LAX1: variants seen among roughly 807,000 people sequenced by gnomAD.
The protein encoded by LAX1 is lymphocyte transmembrane adapter 1.
Under a neutral mutation model 20.7 loss-of-function variants are expected in LAX1, and 17 were observed. The ratio of observed to expected loss-of-function variants is 0.82; its 90% confidence interval spans 0.56 to 1.23. The LOEUF is 1.23. LAX1 is among the 50% of genes most tolerant of loss of function. The pLI, the probability that LAX1 is intolerant of heterozygous loss-of-function variation, is 0.00. For synonymous variants in LAX1, 165 were observed against 181.0 expected (o/e 0.91, Z 0.71); for missense variants, 470 against 487.0 (o/e 0.97, Z 0.33).
chr1:203,766,468 A>G (rs1667305588), intron 1 of LAX1, among the ~76,000 whole-genome samples: 1 of 152,100 alleles, frequency 6.6e-6, no homozygotes, highest in African/African-American at 2.4e-5. Context: ...CAAAAGCGAA[A>G]CTCTGTCTCA....
chr1:203,767,303 C>CCTTTTTTTTTTTTT (rs1667320915), intron 1 of LAX1, among the ~76,000 whole-genome samples: 1 of 90,450 alleles, frequency 1.1e-5, no homozygotes, highest in Non-Finnish European at 2.0e-5. Flanking sequence ...CTCTCCACTT[C>CCTTTTTTTTTTTTT]TTTTTTTTTT....
intron 4 of LAX1, among the ~76,000 whole-genome samples, chr1:203,773,360 G>A (rs1007395787): frequency 6.6e-6 from 1 of 151,980 alleles, no homozygotes; most frequent in Non-Finnish European, 1.5e-5. Context: ...AGGTTGAGGC[G>A]GGAGAATCGA....
intron 1 of LAX1, among the ~76,000 whole-genome samples, chr1:203,769,453 GAAAAGA>G (rs1558070022): frequency 3.6e-5 from 4 of 109,976 alleles, no homozygotes; most frequent in African/African-American, 6.2e-5. Flanking sequence ...AGGAAAGAAA[GAAAAGA>G]AAAGAAAGAA....
chr1:203,774,769 C>G lies in LAX1; in HGVS notation c.*88C>G. On this transcript the variant is annotated 3_prime_UTR_variant, in exon 5 of 5. Transcript: ENST00000442561. ...AGAGTCTAGTGCAGACCCGTGATCA[C>G]CTTAGTGCTTCAGTGGATTCACTGG... The G allele has an allele frequency of 2.8e-6, 3 of 1,066,404 alleles. No individual in the cohort carries two copies. In the East Asian group the frequency reaches 7.4e-5, roughly 26 times the overall value. 66.1% of individuals were successfully genotyped at this position (1,066,404 alleles called of 1,614,324 possible). A position where few individuals can be genotyped will look rare whatever the true frequency, so the allele number is the denominator to read the frequency against.
At chr1:203,770,502 G>GA (rs1667396528) in intron 1 of LAX1, among the ~76,000 whole-genome samples, 26 of 31,022 alleles carry the variant, frequency 8.4e-4, no homozygotes, top group South Asian at 3.1e-3. Context: ...AGGAAGGAAG[G>GA]AAGGAAGGAA....
In LAX1 at chr1:203,774,127, A is replaced by G. The variant is rs1667469520; in HGVS notation, c.643A>G (p.Asn215Asp). 6.2e-7 allele frequency: 1 copy of G among 1,614,020 alleles called. No homozygotes were observed. The highest frequency in any genetic ancestry group is 8.5e-7 in the Non-Finnish European group (1 of 1,180,044). The part of the protein sequence containing the change: ...TLASTKSPSR[N>D]LFVLPSTQKL... ...AGCTTCTACCAAAAGCCCTTCCAGA[A>G]ATCTCTTTGTTCTTCCCAGTACCCA... is the stretch of plus-strand genomic sequence containing the variant. Residue 215 changes from asparagine to aspartate, a missense_variant, in exon 5 of 5, where the codon AAT (asparagine) becomes GAT (aspartate). Transcript: ENST00000442561.
At chr1:203,770,146 G>A (rs535783884) in intron 1 of LAX1, among the ~76,000 whole-genome samples, 58 of 152,050 alleles carry the variant, frequency 3.8e-4, no homozygotes, top group African/African-American at 1.2e-3. Flanking sequence ...GGCCGGGCAC[G>A]GTGGCTCACA....
chr1:203,766,463 G>A (rs2102262211), intron 1 of LAX1, among the ~76,000 whole-genome samples: 1 of 152,314 alleles, frequency 6.6e-6, no homozygotes, highest in African/African-American at 2.4e-5. Flanking sequence ...GGCAACAAAA[G>A]CGAAACTCTG....
At chr1:203,767,048 T>C (rs1437902782) in intron 1 of LAX1, among the ~76,000 whole-genome samples, 3 of 151,634 alleles carry the variant, frequency 2.0e-5, no homozygotes, top group Non-Finnish European at 4.4e-5. Flanking sequence ...TTAGTAGAGA[T>C]GGGGTTTCTT....
rs1667473048 is a variant in LAX1, at chr1:203,774,294, C to T, written c.810C>T (p.Asn270=). Reference sequence around the variant, plus strand: ...CTCAGATCTCAAATGACTATGTCAACATGACAGGGTTGGATCTCAGTGCCA... The same window carrying T: ...CTCAGATCTCAAATGACTATGTCAATATGACAGGGTTGGATCTCAGTGCCA... ...GSSQISNDYV[N]MTGLDLSAIQ... Residue 270 remains asparagine, a synonymous_variant, in exon 5 of 5, where the codon AAC becomes AAT. Coordinates refer to ENST00000442561, the MANE Select transcript of LAX1 (RefSeq NM_017773.4). 13 of 1,614,166 alleles carry T rather than the reference C, an allele frequency of 8.1e-6. No homozygotes were observed. Among genetic ancestry groups the T allele is most frequent in the Non-Finnish European group, 1.1e-5 (13 of 1,180,038 alleles).
At chr1:203,767,528 G>T (rs939481193) in intron 1 of LAX1, among the ~76,000 whole-genome samples, 1 of 150,700 alleles carries the variant, frequency 6.6e-6, no homozygotes, top group Non-Finnish European at 1.5e-5. Context: ...GGCTGGTCTC[G>T]AACTCCTTAC....
Position 203,765,359 on chromosome 1 carries a change from T to G in LAX1, c.-207T>G. On this transcript the variant is annotated 5_prime_UTR_variant, in exon 1 of 5. Transcript: ENST00000442561. ...CATGTCCGGATGAGATCGCACTTCC[T>G]GCAGTGGGCATTAGCCACGTCCAGG... The G allele has an allele frequency of 6.4e-7, 1 of 1,551,750 alleles. No homozygotes were observed. Among genetic ancestry groups the G allele is most frequent in the Admixed American group, 2.0e-5 (1 of 50,992 alleles).
chr1:203,771,787 C>G (rs1273017037), intron 3 of LAX1, among the ~76,000 whole-genome samples: 2 of 152,178 alleles, frequency 1.3e-5, no homozygotes, highest in African/African-American at 4.8e-5. Context: ...GCCAGCATCA[C>G]AGGCAGAGGA....
At chr1:203,770,557 G>GAAAGAAGGAAAGAAAGAAAGAAAGAA (rs1667402832) in intron 1 of LAX1, among the ~76,000 whole-genome samples, 1 of 117,324 alleles carries the variant, frequency 8.5e-6, no homozygotes, top group Admixed American at 1.2e-4. Context: ...AAGAAAGAAA[G>GAAAGAAGGAAAGAAAGAAAGAAAGAA]AAAGAAAGAA....
Position 203,765,613 on chromosome 1 carries a change from G to A in LAX1, c.48G>A (p.Leu16=), listed in dbSNP as rs553295194. 9 of 1,613,998 alleles carry A rather than the reference G, an allele frequency of 5.6e-6. No homozygotes were observed. Among genetic ancestry groups the A allele is most frequent in the Admixed American group, 1.7e-5 (1 of 59,974 alleles). The change falls in exon 1 of 5, where the codon TTG becomes TTA. Residue 16 remains leucine (L), a synonymous_variant. Transcript: ENST00000442561. Reference sequence around the variant, plus strand: ...TTTCGACAATCAGAGGGAGGACCTTGGAGTCCAGCACTCTGCATGTGACTC... The same window carrying A: ...TTTCGACAATCAGAGGGAGGACCTTAGAGTCCAGCACTCTGCATGTGACTC... ...PTLSTIRGRT[L]ESSTLHVTPR... is the part of the protein sequence containing the mutation.
Position 203,774,209 on chromosome 1 carries a change from C to G in LAX1, c.725C>G (p.Thr242Ser). 6.2e-7 allele frequency: 1 copy of G among 1,614,112 alleles called. No homozygotes were observed. The highest frequency in any genetic ancestry group is 8.5e-7 in the Non-Finnish European group (1 of 1,180,024). Reference protein sequence around the residue: ...DEGCGDAGDCTSLYSPGAEDS... With the variant: ...DEGCGDAGDCSSLYSPGAEDS... ...GGCTGTGGAGATGCTGGTGACTGCACCAGTTTGTATTCTCCAGGAGCTGAG... is the reference window on the plus strand; with the variant it reads ...GGCTGTGGAGATGCTGGTGACTGCAGCAGTTTGTATTCTCCAGGAGCTGAG... Residue 242 changes from threonine (T) to serine (S), a missense_variant, in exon 5 of 5, where the codon ACC (threonine) becomes AGC (serine). Physicochemically the swap from Thr to Ser is moderately conservative, Grantham distance 58. Transcript: ENST00000442561.
intron 3 of LAX1, 110 bp from the exon 4 acceptor site, chr1:203,771,958 T>C: frequency 1.2e-6 from 1 of 860,212 alleles, no homozygotes; most frequent in Non-Finnish European, 2.0e-6. Context: ...GACCCAAGGC[T>C]GGAAATTCCA....
At chr1:203,769,773 C>CGGGGGGGGG (rs1311215813) in intron 1 of LAX1, 22 of 24,058 alleles carry the variant, frequency 9.1e-4, no homozygotes, top group Non-Finnish European at 7.9e-4. Context: ...CAAATTGGTG[C>CGGGGGGGGG]GGGGGGGGGG....
rs1667462840 is a variant in LAX1 at position 203,773,891 on chromosome 1, A to G, written c.407A>G (p.Asn136Ser). 6.2e-7 allele frequency: 1 copy of G among 1,609,648 alleles called. No homozygotes were observed. The highest frequency in any genetic ancestry group is 8.5e-7 in the Non-Finnish European group (1 of 1,178,298). ...TCTTCATAGCCCTCCCAAGCAGGCAATGCCTTCCAGGAGCATACAGCCCAC... is the reference window on the plus strand; with the variant it reads ...TCTTCATAGCCCTCCCAAGCAGGCAGTGCCTTCCAGGAGCATACAGCCCAC... ...SPEHVPSQAG[N>S]AFQEHTAHIH... is the part of the protein sequence containing the mutation. Residue 136 changes from asparagine to serine, a missense_variant, in exon 5 of 5, where the codon AAT becomes AGT. Physicochemically the swap from Asn to Ser is conservative, Grantham distance 46. Transcript: ENST00000442561.
Sources: gnomAD v4.1 joint callset for allele counts (sites outside exome capture counted in the v4.1 genomes callset) on GRCh38, gnomAD v4.1.1 for gene constraint, MANE v1.5 for transcripts, NCBI Gene and HGNC (gene_info 2026-07-23, HGNC 2026-07-21) for gene names.